Variants in CDC25A observed in about 807,000 individuals in gnomAD.
CDC25A encodes the protein M-phase inducer phosphatase 1.
Under a neutral mutation model 64.6 loss-of-function variants are expected in CDC25A, and 17 were observed. The observed-to-expected ratio is 0.26, with a 90% CI of 0.18 to 0.39. The LOEUF is 0.39. Ranked by LOEUF, CDC25A falls within the 10% of genes least tolerant of loss-of-function variation. The pLI is 1.00. For missense variants in CDC25A, 473 were observed against 654.8 expected (o/e 0.72, Z 3.03); for synonymous variants, 229 against 238.6 (o/e 0.96, Z 0.37).
chr3:48,170,050 T>C (rs1034081272), intron 9 of CDC25A, among the ~76,000 whole-genome samples: 2 of 151,262 alleles, frequency 1.3e-5, no homozygotes, highest in African/African-American at 4.9e-5. Flanking sequence ...AATTTAGCCC[T>C]GTATGATATG....
At chr3:48,187,380 A>G (rs1308241073) in intron 1 of CDC25A, among the ~76,000 whole-genome samples, 2 of 152,256 alleles carry the variant, frequency 1.3e-5, no homozygotes, top group African/African-American at 4.8e-5. Context: ...GAAGGAACAA[A>G]GATCACAGCA....
At chr3:48,161,265 G>GT (rs1388036277) in intron 13 of CDC25A, 1 of 155,710 alleles carries the variant, frequency 6.4e-6, no homozygotes, top group East Asian at 1.9e-4. Context: ...AGTGTAAGGG[G>GT]TATCTGTAGA....
chr3:48,177,296 A>G, intron 8 of CDC25A, 75 bp downstream of exon 8: 1 of 1,118,698 alleles, frequency 8.9e-7, no homozygotes, highest in Non-Finnish European at 1.4e-6. Context: ...ATCTTTGGCT[A>G]TACTCAACTA....
Position 48,188,048 on chromosome 3 carries a change from C to G in CDC25A, c.-101G>C. On this transcript the variant is annotated 5_prime_UTR_variant, in exon 1 of 15. Transcript: ENST00000302506. ...CGGCCTCGGCCGCGCGCCACCGGCG[C>G]CCGCGGGTCAAACACAAACACGACT... is the stretch of plus-strand genomic sequence containing the variant. 9.7e-7 allele frequency: 1 copy of G among 1,034,056 alleles called. No homozygotes were observed. Among genetic ancestry groups the G allele is most frequent in the Non-Finnish European group, 1.2e-6 (1 of 803,054 alleles). The allele number at this position is 1,034,056 out of a possible 1,614,324, so 64.1% of individuals were successfully genotyped here. A position where few individuals can be genotyped will look rare whatever the true frequency, so the allele number is the denominator to read the frequency against.
In CDC25A at chr3:48,167,810, T is replaced by A. The variant is rs202036235; in HGVS notation, c.1029+36A>T. ...TGGGATTCTAAATACCCACACTCCCTCCTACACTTGCCAGAGCAGCTCTGC... is the reference window on the plus strand; with the variant it reads ...TGGGATTCTAAATACCCACACTCCCACCTACACTTGCCAGAGCAGCTCTGC... On this transcript the variant is annotated intron_variant, in intron 10 of 14. Transcript: ENST00000302506. The A allele has an allele frequency of 8.2e-5, 95 of 1,152,114 alleles. 1 individual carries two copies. The East Asian group carries it at 2.1e-3, about 26-fold the overall frequency. The allele number at this position is 1,152,114 out of a possible 1,614,324, so 71.4% of individuals were successfully genotyped here.
chr3:48,178,014 T>C (rs899889546), intron 6 of CDC25A, 26 bp from the exon 7 acceptor site: 1 of 1,591,440 alleles, frequency 6.3e-7, no homozygotes. Flanking sequence ...CATGGATTAA[T>C]AATGAGAGCT....
At chr3:48,176,649 AAAACAAAACAAAC>A (rs1375964129) in intron 8 of CDC25A, among the ~76,000 whole-genome samples, 55 of 151,132 alleles carry the variant, frequency 3.6e-4, no homozygotes, top group Admixed American at 3.6e-3. Flanking sequence ...AAAACAAAAC[AAAACAAAACAAAC>A]AAACAAAACA....
rs2032521115 is a variant in CDC25A, at chr3:48,177,862, T to C, written c.676A>G (p.Asn226Asp). 6.2e-7 allele frequency: 1 copy of C among 1,613,886 alleles called. No homozygotes were observed. The highest frequency in any genetic ancestry group is 1.1e-5 in the South Asian group (1 of 91,074). The change falls in exon 7 of 15, where the codon AAT becomes GAT. Residue 226 changes from asparagine to aspartate, a missense_variant. Transcript: ENST00000302506. ...ACACACACACACGGTACCTTCAGAT[T>C]CTCTCCATCGAGAAGGTCCACGAAG... Reference protein sequence around the residue: ...DGFVDLLDGENLKNEEETPSC... With the variant: ...DGFVDLLDGEDLKNEEETPSC...
chr3:48,180,429 T>A, intron 6 of CDC25A: 1 of 268,710 alleles, frequency 3.7e-6, no homozygotes, highest in Admixed American at 5.2e-5. Flanking sequence ...TAGGAAGAGA[T>A]ATAATCCCAC....
intron 2 of CDC25A, among the ~76,000 whole-genome samples, chr3:48,185,653 G>C (rs1299811478): frequency 1.3e-5 from 2 of 152,074 alleles, no homozygotes; most frequent in African/African-American, 2.4e-5. Context: ...TACAACTACT[G>C]GTCATGACAT....
At chr3:48,159,595 G>A in intron 13 of CDC25A, 140 bp from the exon 14 acceptor site, 1 of 622,526 alleles carries the variant, frequency 1.6e-6, no homozygotes, top group Non-Finnish European at 2.9e-6. Context: ...GAAACAATCA[G>A]TGCTGAGTTG....
chr3:48,183,958 A>G, intron 3 of CDC25A, 122 bp from the exon 4 acceptor site: 2 of 566,360 alleles, frequency 3.5e-6, no homozygotes, highest in Admixed American at 5.3e-5. Context: ...ATTTTAGGCA[A>G]GAGATGGGAG....
chr3:48,181,633 CAGAA>C, intron 5 of CDC25A: 1 of 1,331,076 alleles, frequency 7.5e-7, no homozygotes, highest in East Asian at 2.3e-5. Flanking sequence ...GTTATTTAGA[CAGAA>C]AGAGTGATGA....
intron 5 of CDC25A, chr3:48,181,787 G>C: frequency 2.0e-5 from 8 of 396,310 alleles, no homozygotes; most frequent in East Asian, 4.2e-5. Context: ...AAACCATGAA[G>C]AATCAAAAAA....
chr3:48,177,314 C>T (rs527346675), intron 8 of CDC25A, 57 bp downstream of exon 8: 4 of 1,321,612 alleles, frequency 3.0e-6, no homozygotes, highest in African/African-American at 2.9e-5. Flanking sequence ...CTAAGGACTA[C>T]TCTGTCCAGT....
In CDC25A at chr3:48,187,975, G is replaced by A. The variant is rs1233365614; in HGVS notation, c.-28C>T. On this transcript the variant is annotated 5_prime_UTR_variant, in exon 1 of 15. Coordinates refer to ENST00000302506, the MANE Select transcript of CDC25A (RefSeq NM_001789.3). ...CGGCGCCCGGCCTCGCAGAGCTCCC[G>A]CTCCCTCTTCCTCTGCCTCCGCCGC... 1.1e-5 allele frequency: 16 copies of A among 1,431,804 alleles called. No homozygotes were observed. The highest frequency in any genetic ancestry group is 2.6e-5 in the Admixed American group (1 of 37,990). The allele number at this position is 1,431,804 out of a possible 1,614,324, so 88.7% of individuals were successfully genotyped here. A position where few individuals can be genotyped will look rare whatever the true frequency, so the allele number is the denominator to read the frequency against.
chr3:48,179,922 C>A (rs112854033), intron 6 of CDC25A, among the ~76,000 whole-genome samples: 3 of 152,130 alleles, frequency 2.0e-5, no homozygotes, highest in Non-Finnish European at 4.4e-5. Context: ...GGTCATCTTG[C>A]TCAAGTTGGG....
At position 48,188,125 on chromosome 3, in the gene CDC25A, G is replaced by A. The variant is rs2032918423; in HGVS notation, c.-178C>T. On this transcript the variant is annotated 5_prime_UTR_variant, in exon 1 of 15. Transcript: ENST00000302506. ...GGGCAAGCGGCGCGGCCGGGCGGGT[G>A]TGCGGACCCTCCAGGCGCCAGCCAC... 2.3e-6 allele frequency: 1 copy of A among 426,886 alleles called. No homozygotes were observed. The highest frequency in any genetic ancestry group is 3.8e-6 in the Non-Finnish European group (1 of 263,104). The allele number at this position is 426,886 out of a possible 1,614,324, so 26.4% of individuals were successfully genotyped here.
chr3:48,170,095 G>T (rs527976682), intron 9 of CDC25A, among the ~76,000 whole-genome samples: 8 of 152,072 alleles, frequency 5.3e-5, no homozygotes, highest in Non-Finnish European at 7.4e-5. Flanking sequence ...AACTCAAAGT[G>T]ATTTTTCTTA....
Sources: gnomAD v4.1 joint callset for allele counts (sites outside exome capture counted in the v4.1 genomes callset) on GRCh38, gnomAD v4.1.1 for gene constraint, MANE v1.5 for transcripts, NCBI Gene and HGNC (gene_info 2026-07-23, HGNC 2026-07-21) for gene names.